The following PCNX2 variants were observed in gnomAD, a reference collection of about 807,000 sequenced individuals.
The protein encoded by PCNX2 is pecanex-like protein 2.
In PCNX2, 168 loss-of-function variants were observed where a neutral mutation model predicts 223.8. That is an observed-to-expected ratio of 0.75 (90% CI 0.66 to 0.85). PCNX2 has a LOEUF of 0.85. Among genes scored for constraint, PCNX2 ranks in the 40% least tolerant of loss-of-function variants. The pLI, the probability that PCNX2 is intolerant of heterozygous loss-of-function variation, is 0.00. For synonymous variants in PCNX2, 1,006 were observed against 1,052.6 expected (o/e 0.96, Z 0.86); for missense variants, 2,507 against 2,675.5 (o/e 0.94, Z 1.39).
At chr1:233,086,690 T>A (rs989518856) in intron 23 of PCNX2, among the ~76,000 whole-genome samples, 1 of 151,644 alleles carries the variant, frequency 6.6e-6, no homozygotes, top group Non-Finnish European at 1.5e-5. Flanking sequence ...ATAATAATAA[T>A]AAAATAAAAA....
intron 19 of PCNX2, among the ~76,000 whole-genome samples, chr1:233,154,544 T>A (rs759316166): frequency 6.6e-5 from 10 of 152,216 alleles, no homozygotes; most frequent in Non-Finnish European, 1.3e-4. Context: ...AAACCTTCCT[T>A]TAGTGAATTT....
At chr1:233,099,503 C>G (rs1164234309) in intron 21 of PCNX2, among the ~76,000 whole-genome samples, 2 of 152,194 alleles carry the variant, frequency 1.3e-5, no homozygotes, top group African/African-American at 4.8e-5. Context: ...AAACGGCCGA[C>G]TGCTGGCTTA....
At chr1:233,023,859 G>A (rs1157171542) in intron 26 of PCNX2, among the ~76,000 whole-genome samples, 1 of 152,204 alleles carries the variant, frequency 6.6e-6, no homozygotes, top group Non-Finnish European at 1.5e-5. Flanking sequence ...TAGGGGATGA[G>A]ATCTAAGAGC....
At chr1:232,995,643 C>G (rs1669849364) in intron 32 of PCNX2, among the ~76,000 whole-genome samples, 1 of 151,318 alleles carries the variant, frequency 6.6e-6, no homozygotes, top group Admixed American at 6.6e-5. Context: ...TTAAACTATG[C>G]TGATTGTATA....
In PCNX2 at chr1:233,291,111, G is replaced by A. The variant is rs149763896; in HGVS notation, c.153+4215C>T. 1,084 of 984,898 alleles carry A rather than the reference G, an allele frequency of 1.1e-3. 4 individuals are homozygous for A. The Middle Eastern group carries it at 0.012, about 11-fold the overall frequency. 61.0% of individuals were successfully genotyped at this position (984,898 alleles called of 1,614,324 possible). ...AGTATGTCAGGCAGCATAATGTCCT[G>A]GAAGGGCCAAAGACTCGGATGCTAC... On this transcript the variant is annotated intron_variant, in intron 1 of 33. Transcript: ENST00000258229.
intron 17 of PCNX2, among the ~76,000 whole-genome samples, chr1:233,163,385 G>A (rs147783597): frequency 0.058 from 8,848 of 151,886 alleles, 507 homozygotes; most frequent in East Asian, 0.31. Flanking sequence ...TACTCGGGAG[G>A]CTGAGGCAGG....
chr1:233,121,277 C>T (rs1012849975), intron 21 of PCNX2, among the ~76,000 whole-genome samples: 1 of 152,120 alleles, frequency 6.6e-6, no homozygotes, highest in Non-Finnish European at 1.5e-5. Flanking sequence ...ACAGATCCAG[C>T]ATAAACCCAT....
chr1:233,031,269 C>G (rs1671253337), intron 25 of PCNX2, among the ~76,000 whole-genome samples: 1 of 152,186 alleles, frequency 6.6e-6, no homozygotes, highest in African/African-American at 2.4e-5. Context: ...GTCTTTGGAG[C>G]CTTAATTAAA....
chr1:233,293,378 A>G (rs1055730854), intron 1 of PCNX2, among the ~76,000 whole-genome samples: 5 of 152,240 alleles, frequency 3.3e-5, no homozygotes, highest in Admixed American at 6.5e-5. Context: ...GTGTTACCAA[A>G]TGCAGAGCAC....
Position 232,986,288 on chromosome 1 carries a change from G to T in PCNX2, c.6044C>A (p.Ala2015Glu). The stretch of plus-strand genomic sequence containing the variant: ...GGAGCCCAGGCTGGACCTGATGAGC[G>T]CCTCGGCCCGCTCACGGACACTCAG... ...GHLSVRERAE[A>E]LIRSSLGSST... Residue 2015 changes from alanine to glutamate, a missense_variant, in exon 33 of 34, where the codon GCG (alanine) becomes GAG (glutamate). Ala to Glu is a moderately radical substitution (Grantham distance 107). Around this residue, in one of 3 missense-constraint regions of PCNX2, gnomAD observed 1,372 missense variants for 1,509.4 expected, o/e 0.91. Transcript: ENST00000258229. 1 of 1,564,718 alleles carries T rather than the reference G, an allele frequency of 6.4e-7. No homozygotes were observed. Among genetic ancestry groups the T allele is most frequent in the Non-Finnish European group, 8.7e-7 (1 of 1,155,340 alleles).
intron 25 of PCNX2, among the ~76,000 whole-genome samples, chr1:233,030,462 C>T (rs1671224049): frequency 6.6e-6 from 1 of 152,228 alleles, no homozygotes; most frequent in Non-Finnish European, 1.5e-5. Context: ...CTCTGCATAT[C>T]TAGAAACTCT....
rs55865610 is a variant in PCNX2, at chr1:233,130,465, T to TTGTGTGTGTGTGTG, written c.3837+4534_3837+4547dup. Among the ~76,000 whole-genome samples, 97 of 136,468 alleles carry TTGTGTGTGTGTGTG rather than the reference T, an allele frequency of 7.1e-4. 1 individual carries two copies. The highest frequency in any genetic ancestry group is 8.8e-4 in the African/African-American group (32 of 36,216). 89.5% of individuals were successfully genotyped at this position (136,468 alleles called of 152,430 possible). ...ACTCAATATTTCTGCCCCCCAACTT[T>TTGTGTGTGTGTGTG]TGTGTGTGTGTGTGTGTGTGTGTGT... is the stretch of plus-strand genomic sequence containing the variant. On this transcript the variant is annotated intron_variant, in intron 21 of 33. Coordinates refer to ENST00000258229, the MANE Select transcript of PCNX2 (RefSeq NM_014801.4).
chr1:233,100,434 A>G (rs929865900), intron 21 of PCNX2, among the ~76,000 whole-genome samples: 94 of 151,882 alleles, frequency 6.2e-4, no homozygotes, highest in African/African-American at 1.6e-3. Context: ...AAAAAAAAAA[A>G]AAAAAGAAAA....
intron 26 of PCNX2, among the ~76,000 whole-genome samples, chr1:233,017,621 C>T (rs985806228): frequency 3.3e-5 from 5 of 151,554 alleles, no homozygotes; most frequent in East Asian, 4.0e-4. Flanking sequence ...TGGCCTAAAA[C>T]GTCCTCTCTT....
intron 20 of PCNX2, 130 bp from the exon 21 acceptor site, chr1:233,135,320 G>T (rs1260858558): frequency 1.0e-6 from 1 of 980,290 alleles, no homozygotes; most frequent in South Asian, 1.8e-5. Flanking sequence ...CCAATCTAAG[G>T]GGCCCCATTA....
At chr1:233,129,973 C>A (rs887919428) in intron 21 of PCNX2, among the ~76,000 whole-genome samples, 2 of 152,214 alleles carry the variant, frequency 1.3e-5, no homozygotes, top group Non-Finnish European at 2.9e-5. Flanking sequence ...CGGGTCCACA[C>A]TGCCTTTATG....
At chr1:233,057,872 GT>G (rs1672250430) in intron 23 of PCNX2, 1 of 983,464 alleles carries the variant, frequency 1.0e-6, no homozygotes, top group Non-Finnish European at 1.2e-6. Context: ...AAAAGCAAGT[GT>G]TTAAACTGCC....
chr1:233,039,783 T>C (rs12072944), intron 25 of PCNX2, among the ~76,000 whole-genome samples: 4,580 of 152,344 alleles, frequency 0.03, 222 homozygotes, highest in African/African-American at 0.1. Context: ...AAAACATGTA[T>C]TGATTGCCAA....
chr1:233,089,756 T>G, intron 23 of PCNX2: 1 of 560,932 alleles, frequency 1.8e-6, no homozygotes, highest in Non-Finnish European at 2.5e-6. Flanking sequence ...ACATTAACAG[T>G]GGCTTGTACC....
Sources: gnomAD v4.1 joint callset for allele counts (sites outside exome capture counted in the v4.1 genomes callset) on GRCh38, gnomAD v4.1.1 for gene constraint, gnomAD v4.1.1 regional missense constraint, MANE v1.5 for transcripts, NCBI Gene and HGNC (gene_info 2026-07-23, HGNC 2026-07-21) for gene names.